The following NYAP2 variants were observed in gnomAD, a reference collection of about 807,000 sequenced individuals.
The protein encoded by NYAP2 is neuronal tyrosine-phosphorylated phosphoinositide-3-kinase adapter 2.
Under a neutral mutation model 50.4 loss-of-function variants are expected in NYAP2, and 23 were observed. The ratio of observed to expected loss-of-function variants is 0.46; its 90% CI spans 0.33 to 0.65. The LOEUF (loss-of-function observed/expected upper bound fraction) is 0.65, where lower values mean the gene tolerates loss of function less well. Ranked by LOEUF, NYAP2 falls within the 30% of genes least tolerant of loss-of-function variation. The pLI, the probability that NYAP2 is intolerant of heterozygous loss-of-function variation, is 0.02. For synonymous variants in NYAP2, 394 were observed against 365.2 expected (o/e 1.08, Z -0.90); for missense variants, 885 against 861.0 (o/e 1.03, Z -0.35).
intron 3 of NYAP2, among the ~76,000 whole-genome samples, chr2:225,451,017 G>T (rs1243748327): frequency 2.0e-5 from 3 of 152,162 alleles, no homozygotes; most frequent in Non-Finnish European, 4.4e-5. Flanking sequence ...AGGTGCCATT[G>T]TCATCTAAAA....
Position 225,429,206 on chromosome 2 carries a change from A to G in NYAP2, c.221+20105A>G, listed in dbSNP as rs139875460. Among the ~76,000 whole-genome samples, 1,371 of 152,236 alleles carry G rather than the reference A, an allele frequency of 9.0e-3. 24 individuals carry two copies. Among genetic ancestry groups the G allele is most frequent in the African/African-American group, 0.031 (1,284 of 41,480 alleles). ...GTGTCGAGGGGGGATTTAGGGACAA[A>G]TAATGACCTGCCCATCAGTTTCTTG... On this transcript the variant is annotated intron_variant, in intron 3 of 6. Coordinates refer to ENST00000636099, the Ensembl canonical transcript of NYAP2.
At chr2:225,506,606 G>C (rs553703278) in intron 3 of NYAP2, among the ~76,000 whole-genome samples, 1 of 152,332 alleles carries the variant, frequency 6.6e-6, no homozygotes, top group East Asian at 1.9e-4. Flanking sequence ...TCAGTAGGCA[G>C]CACAAGGTGA....
the NYAP2 span, among the ~76,000 whole-genome samples, chr2:225,696,882 A>T: frequency 6.6e-6 from 1 of 152,020 alleles, no homozygotes; most frequent in African/African-American, 2.4e-5. Context: ...GTTAATAAAT[A>T]GTACAACTTC....
At chr2:225,543,476 A>G (rs1691512093) in intron 4 of NYAP2, among the ~76,000 whole-genome samples, 1 of 151,856 alleles carries the variant, frequency 6.6e-6, no homozygotes, top group Non-Finnish European at 1.5e-5. Flanking sequence ...GTTTTAAGAA[A>G]TTTTCCAATT....
rs571461899 is a variant in NYAP2 at position 225,546,997 on chromosome 2, C to T, written c.523+33325C>T. On this transcript the variant is annotated intron_variant, in intron 4 of 6. Transcript: ENST00000636099. ...AGAAAGGTCATATGGGAACTGGGGC[C>T]TAGAAGGGGGTCTCACAACTTTGCC... Among the ~76,000 whole-genome samples the T allele has an allele frequency of 5.3e-5, 8 of 152,206 alleles. No homozygotes were observed. In the East Asian group the frequency reaches 1.6e-3, roughly 29 times the overall value.
intron 5 of NYAP2, among the ~76,000 whole-genome samples, chr2:225,602,636 T>G (rs1163164941): frequency 1.3e-5 from 2 of 152,186 alleles, no homozygotes; most frequent in Non-Finnish European, 2.9e-5. Flanking sequence ...TGGGTTAATT[T>G]TTATAGGTAG....
At chr2:225,528,083 C>T (rs1691185890) in intron 4 of NYAP2, among the ~76,000 whole-genome samples, 1 of 152,254 alleles carries the variant, frequency 6.6e-6, no homozygotes, top group Non-Finnish European at 1.5e-5. Flanking sequence ...CCTGCTTCTG[C>T]ACTCAATGAG....
the NYAP2 span, among the ~76,000 whole-genome samples, chr2:225,691,349 C>T: frequency 1.3e-5 from 2 of 152,034 alleles, no homozygotes; most frequent in African/African-American, 4.8e-5. Context: ...TGTACACCAC[C>T]ATTTGAATTT....
At chr2:225,584,283 A>G (rs1031019538) in intron 5 of NYAP2, among the ~76,000 whole-genome samples, 1 of 152,214 alleles carries the variant, frequency 6.6e-6, no homozygotes, top group Non-Finnish European at 1.5e-5. Context: ...TCCTAGATCC[A>G]TCAATATATA....
At chr2:225,631,324 G>A (rs1693310757) in intron 6 of NYAP2, among the ~76,000 whole-genome samples, 1 of 152,184 alleles carries the variant, frequency 6.6e-6, no homozygotes, top group Non-Finnish European at 1.5e-5. Context: ...TTTACAGCAT[G>A]TAAAATCTGC....
At chr2:225,594,900 A>G (rs929968313) in intron 5 of NYAP2, among the ~76,000 whole-genome samples, 2 of 152,184 alleles carry the variant, frequency 1.3e-5, no homozygotes, top group African/African-American at 4.8e-5. Context: ...CTATTTCCAA[A>G]TGGAAGAAGT....
intron 4 of NYAP2, among the ~76,000 whole-genome samples, chr2:225,520,049 T>C (rs1283560484): frequency 1.3e-5 from 2 of 152,238 alleles, no homozygotes; most frequent in African/African-American, 4.8e-5. Context: ...TTCATGTGTT[T>C]TTCAGTTACA....
At chr2:225,407,742 T>C (rs1371659030) in intron 2 of NYAP2, among the ~76,000 whole-genome samples, 1 of 151,954 alleles carries the variant, frequency 6.6e-6, no homozygotes, top group East Asian at 1.9e-4. Context: ...ATGGAGAAAT[T>C]TTTCCCCTTG....
At chr2:225,459,104 G>T (rs1430364627) in intron 3 of NYAP2, among the ~76,000 whole-genome samples, 4 of 152,106 alleles carry the variant, frequency 2.6e-5, no homozygotes, top group African/African-American at 9.7e-5. Context: ...CTGCTTTATT[G>T]TATCATACTG....
chr2:225,696,700 T>A, the NYAP2 span, among the ~76,000 whole-genome samples: 1 of 151,942 alleles, frequency 6.6e-6, no homozygotes, highest in Admixed American at 6.6e-5. Flanking sequence ...CGTTCACAGT[T>A]CTTTCTAGTT....
chr2:225,625,043 T>TAAAA (rs386392796), intron 5 of NYAP2, among the ~76,000 whole-genome samples: 1,496 of 69,556 alleles, frequency 0.022, 76 homozygotes, highest in African/African-American at 0.025. Context: ...AACCCAAGCG[T>TAAAA]AAAAAAAAAA....
chr2:225,544,584 C>T (rs1357523427), intron 4 of NYAP2, among the ~76,000 whole-genome samples: 3 of 152,030 alleles, frequency 2.0e-5, no homozygotes, highest in East Asian at 1.9e-4. Context: ...ACTTTAACTT[C>T]GTCTCCTATT....
chr2:225,419,124 T>A (rs1574604879), intron 3 of NYAP2, among the ~76,000 whole-genome samples: 1 of 152,194 alleles, frequency 6.6e-6, no homozygotes, highest in Non-Finnish European at 1.5e-5. Context: ...GCGATACTGA[T>A]TCTAAGAGCT....
At chr2:225,669,865 A>C in the NYAP2 span, among the ~76,000 whole-genome samples, 1 of 152,204 alleles carries the variant, frequency 6.6e-6, no homozygotes, top group Non-Finnish European at 1.5e-5. Flanking sequence ...GGTTAAATAA[A>C]TAGATACGAT....
Sources: gnomAD v4.1 joint callset for allele counts (sites outside exome capture counted in the v4.1 genomes callset) on GRCh38, gnomAD v4.1.1 for gene constraint, MANE v1.5 for transcripts, NCBI Gene and HGNC (gene_info 2026-07-23, HGNC 2026-07-21) for gene names.